Variants in PKD1L1 observed in about 807,000 individuals in gnomAD.
PKD1L1 encodes the protein polycystin-1-like protein 1.
PKD1L1 carries 236 observed loss-of-function variants against 323.4 expected under a neutral mutation model. The observed-to-expected ratio is 0.73, with a 90% CI of 0.66 to 0.81. The LOEUF (loss-of-function observed/expected upper bound fraction) is 0.81, where lower values mean the gene tolerates loss of function less well. PKD1L1 is among the 40% of genes least tolerant of loss of function. The pLI is 0.00. For synonymous variants in PKD1L1, 1,344 were observed against 1,335.0 expected, an observed-to-expected ratio of 1.01 and a Z score of -0.15; for missense variants, 3,320 against 3,508.0, an observed-to-expected ratio of 0.95 and a Z score of 1.35.
intron 55 of PKD1L1, 51 bp downstream of exon 55, chr7:47,795,938 C>G (rs770936620): frequency 6.4e-7 from 1 of 1,562,870 alleles, no homozygotes; most frequent in Non-Finnish European, 8.7e-7. Context: ...ATGAAACCAT[C>G]ATCTTGAGTG....
intron 24 of PKD1L1, among the ~76,000 whole-genome samples, chr7:47,869,012 T>C (rs995465817): frequency 1.3e-5 from 2 of 152,110 alleles, no homozygotes; most frequent in African/African-American, 4.8e-5. Flanking sequence ...TATAGAGGAG[T>C]AAATTTTCTA....
chr7:47,925,879 T>A (rs1364106091), intron 7 of PKD1L1, among the ~76,000 whole-genome samples: 1 of 151,688 alleles, frequency 6.6e-6, no homozygotes, highest in Non-Finnish European at 1.5e-5. Flanking sequence ...GACAACCAGT[T>A]TGGGGACAAA....
intron 24 of PKD1L1, among the ~76,000 whole-genome samples, chr7:47,870,128 T>C (rs1786248234): frequency 6.6e-6 from 1 of 151,584 alleles, no homozygotes; most frequent in Non-Finnish European, 1.5e-5. Flanking sequence ...TAAATGGCTA[T>C]AAAGAAGATG....
intron 3 of PKD1L1, among the ~76,000 whole-genome samples, chr7:47,939,740 G>A (rs1787944180): frequency 6.6e-6 from 1 of 152,212 alleles, no homozygotes; most frequent in African/African-American, 2.4e-5. Flanking sequence ...CCTTGTCTGT[G>A]CTGGAGCCAT....
intron 26 of PKD1L1, among the ~76,000 whole-genome samples, chr7:47,859,952 T>C (rs1204011809): frequency 6.6e-6 from 1 of 152,126 alleles, no homozygotes; most frequent in Non-Finnish European, 1.5e-5. Context: ...GTTAATGTAG[T>C]CCCCTTTCAA....
At position 47,840,658 on chromosome 7, in the gene PKD1L1, C is replaced by A. The variant is rs575093297; in HGVS notation, c.5446-91G>T. 8.1e-6 allele frequency: 8 copies of A among 985,894 alleles called. No individual in the cohort carries two copies. In the South Asian group the frequency reaches 1.1e-4, roughly 14 times the overall value. The allele number at this position is 985,894 out of a possible 1,614,324, so 61.1% of individuals were successfully genotyped here. Reference sequence around the variant, plus strand: ...AGGGCTTCCTCGCACTTTCTCCCAGCGTCCCACCCTTCCTCAAAACCATCT... The same window carrying A: ...AGGGCTTCCTCGCACTTTCTCCCAGAGTCCCACCCTTCCTCAAAACCATCT... On this transcript the variant is annotated intron_variant, in intron 34 of 56. Transcript: ENST00000289672. This position sits in a 1 kb window ranked among gnomAD's most constrained non-coding sequence, Gnocchi z 4.1.
intron 14 of PKD1L1, among the ~76,000 whole-genome samples, 169 bp downstream of exon 14, chr7:47,897,819 G>A (rs1786990044): frequency 6.6e-6 from 1 of 151,946 alleles, no homozygotes; most frequent in South Asian, 2.1e-4. Flanking sequence ...TTCTCTTTGG[G>A]GGAATTAAAC....
chr7:47,892,371 G>T (rs1293732956), intron 15 of PKD1L1, among the ~76,000 whole-genome samples: 1 of 152,188 alleles, frequency 6.6e-6, no homozygotes, highest in Non-Finnish European at 1.5e-5. Flanking sequence ...CAAACGGGCT[G>T]CACAGTGAGC....
chr7:47,787,240 C>A (rs1008807621), intron 56 of PKD1L1, among the ~76,000 whole-genome samples: 1 of 151,964 alleles, frequency 6.6e-6, no homozygotes, highest in South Asian at 2.1e-4. Context: ...GTTGCAGAAA[C>A]TTGAGTTCTG....
chr7:47,825,821 C>A (rs1785231379), intron 45 of PKD1L1, among the ~76,000 whole-genome samples: 5 of 152,198 alleles, frequency 3.3e-5, no homozygotes, highest in African/African-American at 1.2e-4. Context: ...TGTATTAAAT[C>A]TCTGACTTTT....
chr7:47,943,522 G>A lies in PKD1L1; in HGVS notation c.45-11C>T, dbSNP rs199947422. Reference sequence around the variant, plus strand: ...GCAGCCTGGAGACACCTAAGGGAAAGAAAATAACCAGAGGAAAATTAAATT... The same window carrying A: ...GCAGCCTGGAGACACCTAAGGGAAAAAAAATAACCAGAGGAAAATTAAATT... On this transcript the variant is annotated splice_polypyrimidine_tract_variant and intron_variant, in intron 1 of 56. Coordinates refer to ENST00000289672, the MANE Select transcript of PKD1L1 (RefSeq NM_138295.5). The A allele has an allele frequency of 1.6e-4, 253 of 1,603,088 alleles. 2 individuals are homozygous for A. In the East Asian group the frequency reaches 5.6e-3, roughly 35 times the overall value.
chr7:47,929,233 G>A lies in PKD1L1; in HGVS notation c.1031C>T (p.Ala344Val), dbSNP rs146712857. Reference protein sequence around the residue: ...MRLHNMSEAMAVTAYHQYSKG... With the variant: ...MRLHNMSEAMVVTAYHQYSKG... ...TGAGTACTGGTGGTAGGCAGTCACC[G>A]CCATTGCCTCAGACATGTTGTGTAG... Residue 344 changes from alanine (A) to valine (V), a missense_variant, in exon 7 of 57, where the codon GCG becomes GTG. Ala to Val is a moderately conservative substitution (Grantham distance 64). Coordinates refer to ENST00000289672, the MANE Select transcript of PKD1L1 (RefSeq NM_138295.5). The A allele has an allele frequency of 2.2e-4, 357 of 1,614,056 alleles. No individual in the cohort carries two copies. The African/African-American group carries it at 4.2e-3, about 19-fold the overall frequency.
At chr7:47,796,301 C>G (rs1784529768) in intron 54 of PKD1L1, 151 bp from the exon 55 acceptor site, 1 of 721,166 alleles carries the variant, frequency 1.4e-6, no homozygotes, top group African/African-American at 1.8e-5. Context: ...TGAAAAAAAG[C>G]AAAATCAGGA....
intron 3 of PKD1L1, 52 bp from the exon 4 acceptor site, chr7:47,937,010 G>A (rs1219732044): frequency 4.3e-6 from 6 of 1,380,630 alleles, no homozygotes; most frequent in African/African-American, 4.3e-5. Flanking sequence ...TGAAAACCCA[G>A]TACATTTGGG....
At chr7:47,791,720 G>A (rs1356332841) in intron 56 of PKD1L1, among the ~76,000 whole-genome samples, 3 of 152,116 alleles carry the variant, frequency 2.0e-5, no homozygotes, top group Admixed American at 6.6e-5. Context: ...ATTAGGGCCC[G>A]GGAAGGGCTG....
At position 47,839,737 on chromosome 7, in the gene PKD1L1, C is replaced by T; in HGVS notation, c.5553-75G>A. On this transcript the variant is annotated intron_variant, in intron 35 of 56. Transcript: ENST00000289672. The surrounding 1 kb of genome is among the most constrained non-coding windows in gnomAD (Gnocchi z 4.3). ...CTGGCATCCCATCAGCCCCAATGCT[C>T]ACCCTCAAGGCACTGATGGCCCACA... is the stretch of plus-strand genomic sequence containing the variant. 1 of 1,394,082 alleles carries T rather than the reference C, an allele frequency of 7.2e-7. No homozygotes were observed. The highest frequency in any genetic ancestry group is 9.8e-7 in the Non-Finnish European group (1 of 1,016,058). 86.4% of individuals were successfully genotyped at this position (1,394,082 alleles called of 1,614,324 possible).
At chr7:47,865,072 A>T in intron 26 of PKD1L1, 144 bp downstream of exon 26, 1 of 648,102 alleles carries the variant, frequency 1.5e-6, no homozygotes. Context: ...GGGCTTTGCT[A>T]TTCAGATGAA....
At chr7:47,912,377 T>C (rs192129353) in intron 8 of PKD1L1, among the ~76,000 whole-genome samples, 13 of 152,050 alleles carry the variant, frequency 8.5e-5, no homozygotes, top group Non-Finnish European at 1.6e-4. Flanking sequence ...CATATTGGAA[T>C]AGAAACAATG....
chr7:47,799,367 T>C (rs1382189956), intron 54 of PKD1L1, among the ~76,000 whole-genome samples: 1 of 152,216 alleles, frequency 6.6e-6, no homozygotes, highest in Non-Finnish European at 1.5e-5. Context: ...TCACTTTTAG[T>C]TTCCCTCTAG....
Sources: gnomAD v4.1 joint callset for allele counts (sites outside exome capture counted in the v4.1 genomes callset) on GRCh38, gnomAD v4.1.1 for gene constraint, Gnocchi (gnomAD v3.1) non-coding constraint, MANE v1.5 for transcripts, NCBI Gene and HGNC (gene_info 2026-07-23, HGNC 2026-07-21) for gene names.